The following VPS13C variants were observed in gnomAD, a reference collection of about 807,000 sequenced individuals.
VPS13C encodes intermembrane lipid transfer protein VPS13C.
Under a neutral mutation model 456.8 loss-of-function variants are expected in VPS13C, and 358 were observed. The ratio of observed to expected loss-of-function variants is 0.78; its 90% CI spans 0.72 to 0.86. VPS13C has a LOEUF of 0.86. Ranked by LOEUF, VPS13C falls within the 40% of genes least tolerant of loss-of-function variation. The probability of loss-of-function intolerance (pLI) is 0.00; values close to 1 mark genes in which losing one functional copy is unlikely to be tolerated. For missense variants in VPS13C, 4,818 were observed against 4,385.4 expected (o/e 1.10, Z -2.79); for synonymous variants, 1,578 against 1,486.7 (o/e 1.06, Z -1.41).
At chr15:61,940,257 T>C (rs1208926509) in intron 47 of VPS13C, among the ~76,000 whole-genome samples, 1 of 152,154 alleles carries the variant, frequency 6.6e-6, no homozygotes, top group African/African-American at 2.4e-5. Flanking sequence ...ACAATTTAAC[T>C]GCATTAAAAC....
intron 5 of VPS13C, among the ~76,000 whole-genome samples, chr15:62,030,689 G>A (rs569202312): frequency 6.6e-6 from 1 of 152,166 alleles, no homozygotes; most frequent in South Asian, 2.1e-4. Flanking sequence ...CATATTATGA[G>A]AAAATGGGAA....
chr15:61,900,168 C>A (rs2042953313), intron 66 of VPS13C, among the ~76,000 whole-genome samples: 1 of 152,100 alleles, frequency 6.6e-6, no homozygotes, highest in Admixed American at 6.6e-5. Context: ...ACTGAATGGG[C>A]AAAAACTGGA....
chr15:61,977,272 T>A, intron 23 of VPS13C, 73 bp from the exon 24 acceptor site: 1 of 878,186 alleles, frequency 1.1e-6, no homozygotes, highest in Non-Finnish European at 1.7e-6. Flanking sequence ...ATATTATTTT[T>A]AATGAATATT....
At chr15:61,969,844 GT>G (rs1466080667) in intron 27 of VPS13C, among the ~76,000 whole-genome samples, 1 of 151,970 alleles carries the variant, frequency 6.6e-6, no homozygotes, top group African/African-American at 2.4e-5. Flanking sequence ...TACTATTTAA[GT>G]TAACTCTGGA....
intron 16 of VPS13C, among the ~76,000 whole-genome samples, chr15:61,997,826 C>T (rs1222055132): frequency 1.3e-5 from 2 of 151,820 alleles, no homozygotes; most frequent in African/African-American, 4.8e-5. Context: ...CCTAACTGCT[C>T]CCCCTGTCTT....
At position 62,012,192 on chromosome 15, in the gene VPS13C, A is replaced by C. The variant is rs751845879; in HGVS notation, c.826-28T>G. 169 of 1,339,436 alleles carry C rather than the reference A, an allele frequency of 1.3e-4. 1 individual carries two copies. Among genetic ancestry groups the C allele is most frequent in the Non-Finnish European group, 1.7e-4 (163 of 937,296 alleles). The allele number at this position is 1,339,436 out of a possible 1,614,324, so 83.0% of individuals were successfully genotyped here. ...AAACAAAAAATTTGAATGAGAATGA[A>C]AAAGAAAATGCACACATATTCAGAC... is the stretch of plus-strand genomic sequence containing the variant. On this transcript the variant is annotated intron_variant, in intron 11 of 84. Coordinates refer to ENST00000644861, the MANE Select transcript of VPS13C (RefSeq NM_020821.3).
At chr15:62,032,541 T>C (rs1324250816) in intron 5 of VPS13C, among the ~76,000 whole-genome samples, 1 of 151,762 alleles carries the variant, frequency 6.6e-6, no homozygotes, top group Non-Finnish European at 1.5e-5. Context: ...AATTTAAAAC[T>C]TTGATTAAAA....
chr15:62,032,887 C>G (rs188612085), intron 5 of VPS13C, among the ~76,000 whole-genome samples: 95 of 151,674 alleles, frequency 6.3e-4, no homozygotes, highest in African/African-American at 2.1e-3. Context: ...ATAAACCAAA[C>G]AAAGTCATCA....
At chr15:61,898,611 G>C (rs971902980) in intron 66 of VPS13C, among the ~76,000 whole-genome samples, 3 of 149,778 alleles carry the variant, frequency 2.0e-5, no homozygotes, top group South Asian at 2.1e-4. Flanking sequence ...AGCAAGTCCT[G>C]AGTGACCTAC....
At chr15:61,921,489 T>G (rs1567006068) in intron 55 of VPS13C, among the ~76,000 whole-genome samples, 1 of 152,050 alleles carries the variant, frequency 6.6e-6, no homozygotes, top group Non-Finnish European at 1.5e-5. Flanking sequence ...AATCACTGAG[T>G]ATACTAAAGA....
chr15:62,037,346 T>A (rs1343738590), intron 3 of VPS13C, among the ~76,000 whole-genome samples: 7 of 86,068 alleles, frequency 8.1e-5, no homozygotes, highest in Non-Finnish European at 1.6e-4. Context: ...ATATATAATA[T>A]ATTATATATA....
chr15:61,922,903 T>G (rs1258557752), intron 53 of VPS13C, 141 bp from the exon 54 acceptor site: 1 of 735,626 alleles, frequency 1.4e-6, no homozygotes, highest in Non-Finnish European at 1.9e-6. Context: ...AAGTAACTAA[T>G]TTAAATTTTG....
intron 82 of VPS13C, among the ~76,000 whole-genome samples, chr15:61,862,715 A>C (rs1343366975): frequency 1.3e-5 from 2 of 152,168 alleles, no homozygotes; most frequent in Non-Finnish European, 2.9e-5. Context: ...CTCTTACATG[A>C]GGATTCTGAC....
intron 27 of VPS13C, among the ~76,000 whole-genome samples, chr15:61,971,216 C>T (rs7178284): frequency 0.01 from 1,523 of 152,226 alleles, 28 homozygotes; most frequent in African/African-American, 0.035. Context: ...GTGGAGGATA[C>T]TGAGCAGAGT....
intron 66 of VPS13C, among the ~76,000 whole-genome samples, chr15:61,890,954 C>T (rs867125825): frequency 6.6e-6 from 1 of 151,974 alleles, no homozygotes; most frequent in Non-Finnish European, 1.5e-5. Context: ...GGCTGAGGCA[C>T]GAGAATTGCT....
chr15:61,865,601 T>A, intron 81 of VPS13C: 1 of 576,102 alleles, frequency 1.7e-6, no homozygotes. Context: ...TGTGTATATA[T>A]GTATGTGTAT....
At position 61,882,199 on chromosome 15, in the gene VPS13C, G is replaced by C. The variant is rs62009077; in HGVS notation, c.9625-371C>G. 3.2e-3 allele frequency among the ~76,000 whole-genome samples: 481 copies of C among 152,192 alleles called. 2 individuals carry two copies. The highest frequency in any genetic ancestry group is 4.8e-3 in the Non-Finnish European group (324 of 68,004). ...AAGAAGAATTAAAGTAGCCTAAACA[G>C]TACTTAACAGCTAAAAGGAAGGAAG... On this transcript the variant is annotated intron_variant, in intron 69 of 84. Transcript: ENST00000644861.
At position 61,940,777 on chromosome 15, in the gene VPS13C, C is replaced by G. The variant is rs776738392; in HGVS notation, c.5471G>C (p.Ser1824Thr). 1.2e-6 allele frequency: 2 copies of G among 1,611,220 alleles called. No individual in the cohort carries two copies. Among genetic ancestry groups the G allele is most frequent in the African/African-American group, 1.3e-5 (1 of 74,980 alleles). ...AATTTCAATGTCATTTTGTGGCAAG[C>G]TAGCCTGCAAAATAGTTCTGAAAGA... ...LKLSRTILQA[S>T]LPQNDIEILK... Residue 1824 changes from serine (S) to threonine (T), a missense_variant, in exon 47 of 85, where the codon AGC (serine) becomes ACC (threonine). Transcript: ENST00000644861.
chr15:62,017,652 T>C (rs1300423566), intron 9 of VPS13C, among the ~76,000 whole-genome samples: 1 of 152,212 alleles, frequency 6.6e-6, no homozygotes, highest in Non-Finnish European at 1.5e-5. Flanking sequence ...TGTATCTCTG[T>C]TTTGGTACCA....
Sources: gnomAD v4.1 joint callset for allele counts (sites outside exome capture counted in the v4.1 genomes callset) on GRCh38, gnomAD v4.1.1 for gene constraint, MANE v1.5 for transcripts, NCBI Gene and HGNC (gene_info 2026-07-23, HGNC 2026-07-21) for gene names.